GALNT18: variants seen among roughly 807,000 people sequenced by gnomAD.
The protein encoded by GALNT18 is polypeptide N-acetylgalactosaminyltransferase 18.
In GALNT18, 44 loss-of-function variants were observed where a neutral mutation model predicts 69.5. The ratio of observed to expected loss-of-function variants is 0.63; its 90% CI spans 0.50 to 0.81. The LOEUF is 0.81. Ranked by LOEUF, GALNT18 falls within the 40% of genes least tolerant of loss-of-function variation. The probability of loss-of-function intolerance (pLI) is 0.00; values close to 1 mark genes in which losing one functional copy is unlikely to be tolerated. For synonymous variants in GALNT18, 364 were observed against 318.2 expected, an observed-to-expected ratio of 1.14 and a Z score of -1.53; for missense variants, 715 against 810.0, an observed-to-expected ratio of 0.88 and a Z score of 1.42.
At chr11:11,390,817 G>T (rs1331423051) in intron 3 of GALNT18, among the ~76,000 whole-genome samples, 1 of 152,192 alleles carries the variant, frequency 6.6e-6, no homozygotes, top group Admixed American at 6.5e-5. Context: ...AAGTAGAACA[G>T]TAGGAACAGA....
chr11:11,279,962 G>A (rs1007682079), intron 10 of GALNT18, among the ~76,000 whole-genome samples: 3 of 151,870 alleles, frequency 2.0e-5, no homozygotes, highest in Non-Finnish European at 4.4e-5. Context: ...GATGAAGGAG[G>A]CAGGGACTGA....
At chr11:11,302,472 C>T (rs1301485404) in intron 9 of GALNT18, among the ~76,000 whole-genome samples, 4 of 152,104 alleles carry the variant, frequency 2.6e-5, no homozygotes, top group South Asian at 2.1e-4. Flanking sequence ...CCTCTGCCTG[C>T]ACCCCCCAGA....
In GALNT18 at chr11:11,382,982, C is replaced by T. The variant is rs1853958252; in HGVS notation, c.596-3718G>A. 6.6e-6 allele frequency among the ~76,000 whole-genome samples: 1 copy of T among 152,006 alleles called. No individual in the cohort carries two copies. Among genetic ancestry groups the T allele is most frequent in the South Asian group, 2.1e-4 (1 of 4,804 alleles). ...GTTGACAGAGAAATACAATTTGCACCCTGCATGGGGCCAGGTGTCATCCTG... is the reference window on the plus strand; with the variant it reads ...GTTGACAGAGAAATACAATTTGCACTCTGCATGGGGCCAGGTGTCATCCTG... On this transcript the variant is annotated intron_variant, in intron 3 of 10. Transcript: ENST00000227756. This position sits in a 1 kb window ranked among gnomAD's most constrained non-coding sequence, Gnocchi z 4.3.
intron 1 of GALNT18, among the ~76,000 whole-genome samples, chr11:11,594,983 G>A (rs530437471): frequency 1.8e-4 from 25 of 137,010 alleles, no homozygotes; most frequent in Non-Finnish European, 3.3e-4. Context: ...ATATACATAT[G>A]TGTGTGTGTG....
intron 3 of GALNT18, among the ~76,000 whole-genome samples, chr11:11,408,266 G>T (rs58703401): frequency 6.6e-6 from 1 of 151,294 alleles, no homozygotes; most frequent in East Asian, 2.0e-4. Flanking sequence ...TACTTGGGAG[G>T]CTGAGGCCGG....
intron 1 of GALNT18, among the ~76,000 whole-genome samples, chr11:11,549,209 G>A (rs373024262): frequency 8.4e-4 from 128 of 152,368 alleles, no homozygotes; most frequent in Middle Eastern, 3.4e-3. Context: ...AGCTCAGGTT[G>A]AGGATGACAG....
intron 3 of GALNT18, among the ~76,000 whole-genome samples, chr11:11,410,932 C>T (rs185705399): frequency 3.5e-4 from 53 of 152,306 alleles, no homozygotes; most frequent in African/African-American, 1.2e-3. Flanking sequence ...CCAAGACAGC[C>T]TCCTGCTAGG....
rs995515470 is a variant in GALNT18, at chr11:11,617,922, A to T, written c.235+3437T>A. Among the ~76,000 whole-genome samples the T allele has an allele frequency of 2.0e-5, 3 of 152,148 alleles. No individual in the cohort carries two copies. Among genetic ancestry groups the T allele is most frequent in the Admixed American group, 2.0e-4 (3 of 15,280 alleles). ...TACTTTGTGTTTCTAAACCCCCAGGATGCTTTTTTTAAAAACTCATAAGTT... is the reference window on the plus strand; with the variant it reads ...TACTTTGTGTTTCTAAACCCCCAGGTTGCTTTTTTTAAAAACTCATAAGTT... On this transcript the variant is annotated intron_variant, in intron 1 of 10. Coordinates refer to ENST00000227756, the MANE Select transcript of GALNT18 (RefSeq NM_198516.3). This position sits in a 1 kb window ranked among gnomAD's most constrained non-coding sequence, Gnocchi z 4.7.
At chr11:11,420,127 G>GA (rs112495270) in intron 3 of GALNT18, among the ~76,000 whole-genome samples, 1,993 of 144,878 alleles carry the variant, frequency 0.014, 20 homozygotes, top group African/African-American at 0.026. Context: ...TTTGAAAGAA[G>GA]AAAAAAAAAA....
intron 9 of GALNT18, among the ~76,000 whole-genome samples, chr11:11,312,819 C>A (rs1849692401): frequency 6.6e-6 from 1 of 152,190 alleles, no homozygotes; most frequent in Non-Finnish European, 1.5e-5. Flanking sequence ...TCTTAACATT[C>A]ATTTAGGAAA....
At position 11,435,653 on chromosome 11, in the gene GALNT18, T is replaced by C. The variant is rs534153971; in HGVS notation, c.429-2866A>G. 6.6e-6 allele frequency among the ~76,000 whole-genome samples: 1 copy of C among 152,164 alleles called. No homozygotes were observed. Among genetic ancestry groups the C allele is most frequent in the Non-Finnish European group, 1.5e-5 (1 of 68,028 alleles). ...AGTCTGGCACTTAGTAGGCACTCCA[T>C]GAATGTTTTTGGAATGAAACGAACC... On this transcript the variant is annotated intron_variant, in intron 2 of 10. Coordinates refer to ENST00000227756, the MANE Select transcript of GALNT18 (RefSeq NM_198516.3). This position sits in a 1 kb window ranked among gnomAD's most constrained non-coding sequence, Gnocchi z 4.4.
chr11:11,527,393 T>C (rs1857546923), intron 1 of GALNT18, among the ~76,000 whole-genome samples: 1 of 152,238 alleles, frequency 6.6e-6, no homozygotes, highest in African/African-American at 2.4e-5. Context: ...TCTGGGCTGA[T>C]GCAGTCAGCT....
intron 1 of GALNT18, among the ~76,000 whole-genome samples, chr11:11,615,776 A>G (rs545867765): frequency 6.6e-6 from 1 of 152,346 alleles, no homozygotes; most frequent in Admixed American, 6.5e-5. Context: ...CTACAGGCAG[A>G]GTCTGGGAGA....
chr11:11,351,293 G>A (rs540222815), intron 6 of GALNT18, among the ~76,000 whole-genome samples: 1 of 152,330 alleles, frequency 6.6e-6, no homozygotes, highest in East Asian at 1.9e-4. Context: ...CAGAGGGCAG[G>A]AAACCAAGGG....
At chr11:11,514,127 C>G (rs1442928455) in intron 1 of GALNT18, among the ~76,000 whole-genome samples, 1 of 152,216 alleles carries the variant, frequency 6.6e-6, no homozygotes, top group Non-Finnish European at 1.5e-5. Flanking sequence ...GGACCCAAAC[C>G]CATCCAATGA....
At chr11:11,418,715 C>T (rs7482771) in intron 3 of GALNT18, among the ~76,000 whole-genome samples, 16,207 of 152,186 alleles carry the variant, frequency 0.11, 967 homozygotes, top group African/African-American at 0.16. Context: ...GTGTGCTGAG[C>T]GTGATGGCTG....
intron 6 of GALNT18, among the ~76,000 whole-genome samples, chr11:11,368,188 T>C (rs915189538): frequency 2.6e-5 from 4 of 152,246 alleles, no homozygotes; most frequent in Middle Eastern, 3.2e-3. Flanking sequence ...TTATTCTAAT[T>C]ATTATTGACT....
Position 11,515,035 on chromosome 11 carries a change from T to C in GALNT18, c.236-66099A>G, listed in dbSNP as rs533133041. Among the ~76,000 whole-genome samples the C allele has an allele frequency of 1.2e-3, 181 of 152,346 alleles. 1 individual carries two copies. The highest frequency in any genetic ancestry group is 4.1e-3 in the African/African-American group (171 of 41,584). The stretch of plus-strand genomic sequence containing the variant: ...GCTTGTGTGGTCCAAATGAGAGGCA[T>C]TACAGAGGCCAGATCCAGAGCCCGC... On this transcript the variant is annotated intron_variant, in intron 1 of 10. Coordinates refer to ENST00000227756, the MANE Select transcript of GALNT18 (RefSeq NM_198516.3).
At chr11:11,490,234 A>AACACACACACACACACAC (rs61477736) in intron 1 of GALNT18, among the ~76,000 whole-genome samples, 6 of 125,094 alleles carry the variant, frequency 4.8e-5, no homozygotes, top group African/African-American at 1.8e-4. Context: ...CTCTCTCTCT[A>AACACACACACACACACAC]ACACACACAC....
Sources: gnomAD v4.1 joint callset for allele counts (sites outside exome capture counted in the v4.1 genomes callset) on GRCh38, gnomAD v4.1.1 for gene constraint, Gnocchi (gnomAD v3.1) non-coding constraint, MANE v1.5 for transcripts, NCBI Gene and HGNC (gene_info 2026-07-23, HGNC 2026-07-21) for gene names.